Variants in PDZRN3 observed in about 807,000 individuals in gnomAD.
The protein encoded by PDZRN3 is E3 ubiquitin-protein ligase PDZRN3.
A neutral mutation model predicts 85.7 loss-of-function variants in PDZRN3; 38 were observed. The observed-to-expected ratio is 0.44, with a 90% CI of 0.34 to 0.58. PDZRN3 has a LOEUF of 0.58. Ranked by LOEUF, PDZRN3 falls within the 20% of genes least tolerant of loss-of-function variation. The pLI is 0.01. For missense variants in PDZRN3, 1,629 were observed against 1,506.4 expected, an observed-to-expected ratio of 1.08 and a Z score of -1.35; for synonymous variants, 759 against 638.0, an observed-to-expected ratio of 1.19 and a Z score of -2.86.
chr3:73,431,716 G>T (rs890922924), intron 3 of PDZRN3, among the ~76,000 whole-genome samples: 1 of 152,182 alleles, frequency 6.6e-6, no homozygotes, highest in African/African-American at 2.4e-5. Flanking sequence ...CTAAATTGCT[G>T]ACCAAGTATA....
intron 3 of PDZRN3, chr3:73,561,420 T>G (rs1701812044): frequency 6.6e-6 from 1 of 152,178 alleles, no homozygotes; most frequent in African/African-American, 2.4e-5. Flanking sequence ...TTCCACAGCA[T>G]GTCAAGAAGG....
At chr3:73,414,621 T>G (rs2106756606) in intron 3 of PDZRN3, among the ~76,000 whole-genome samples, 1 of 152,302 alleles carries the variant, frequency 6.6e-6, no homozygotes, top group Middle Eastern at 3.4e-3. Context: ...TAAACCATGG[T>G]TTTAGTGGTT....
chr3:73,473,167 C>T (rs1703380568), intron 3 of PDZRN3, among the ~76,000 whole-genome samples: 2 of 152,326 alleles, frequency 1.3e-5, no homozygotes, highest in Admixed American at 6.5e-5. Context: ...ATTCTACAAC[C>T]TTCCACTATG....
rs772333249 is a variant in PDZRN3 at position 73,384,673 on chromosome 3, C to T, written c.1893G>A (p.Thr631=). Residue 631 remains threonine (T), a synonymous_variant, in exon 10 of 10, where the codon ACG becomes ACA. Coordinates refer to ENST00000263666, the MANE Select transcript of PDZRN3 (RefSeq NM_015009.3). Reference sequence around the variant, plus strand: ...CCGGGATCCCCAGGTAGTCGGCGTCCGTGCAGTCGGCCGAAATGAAAGACT... The same window carrying T: ...CCGGGATCCCCAGGTAGTCGGCGTCTGTGCAGTCGGCCGAAATGAAAGACT... ...SNESFISADC[T]DADYLGIPVD... The T allele has an allele frequency of 1.7e-5, 28 of 1,613,840 alleles. No individual in the cohort carries two copies. Among genetic ancestry groups the T allele is most frequent in the East Asian group, 6.7e-5 (3 of 44,880 alleles).
chr3:73,384,335 G>T lies in PDZRN3; in HGVS notation c.2231C>A (p.Thr744Asn). 3 of 1,611,468 alleles carry T rather than the reference G, an allele frequency of 1.9e-6. No homozygotes were observed. Among genetic ancestry groups the T allele is most frequent in the Non-Finnish European group, 2.5e-6 (3 of 1,179,964 alleles). Residue 744 changes from threonine (T) to asparagine (N), a missense_variant, in exon 10 of 10, where the codon ACC (threonine) becomes AAC (asparagine). By Grantham distance (65) the Thr-to-Asn change is moderately conservative. Transcript: ENST00000263666. Reference protein sequence around the residue: ...DVRRHELSDITELPEKSDKDS... With the variant: ...DVRRHELSDINELPEKSDKDS... The stretch of plus-strand genomic sequence containing the variant: ...CTTGTCGGATTTCTCCGGGAGCTCG[G>T]TGATATCTGAGAGCTCGTGTCTGCG...
At chr3:73,580,507 C>T (rs1702184793) in intron 3 of PDZRN3, among the ~76,000 whole-genome samples, 1 of 152,232 alleles carries the variant, frequency 6.6e-6, no homozygotes, top group South Asian at 2.1e-4. Flanking sequence ...TTTCCCATTA[C>T]TCTTTGCATT....
chr3:73,422,923 T>C (rs1702232979), intron 3 of PDZRN3, among the ~76,000 whole-genome samples: 1 of 151,900 alleles, frequency 6.6e-6, no homozygotes, highest in Non-Finnish European at 1.5e-5. Flanking sequence ...AAGGAGAAAA[T>C]ACCAAGCAAA....
chr3:73,500,668 C>T (rs1324943133), intron 3 of PDZRN3, among the ~76,000 whole-genome samples: 1 of 152,190 alleles, frequency 6.6e-6, no homozygotes, highest in Non-Finnish European at 1.5e-5. Flanking sequence ...TGGCATCTTA[C>T]TAACCTAGCC....
rs1288083716 is a variant in PDZRN3 at position 73,384,378 on chromosome 3, T to C, written c.2188A>G (p.Asn730Asp). 2 of 1,609,368 alleles carry C rather than the reference T, an allele frequency of 1.2e-6. No individual in the cohort carries two copies. The highest frequency in any genetic ancestry group is 1.7e-6 in the Non-Finnish European group (2 of 1,179,962). ...TGTCTGCGCACGTCGATGCTGGTGT[T>C]GTAGTTGCGGAAGCCGCTGTTGTGC... is the stretch of plus-strand genomic sequence containing the variant. Reference protein sequence around the residue: ...MLHNSGFRNYNTSIDVRRHEL... With the variant: ...MLHNSGFRNYDTSIDVRRHEL... The change falls in exon 10 of 10, where the codon AAC becomes GAC. Residue 730 changes from asparagine to aspartate, a missense_variant. By Grantham distance (23) the Asn-to-Asp change is conservative. Coordinates refer to ENST00000263666, the MANE Select transcript of PDZRN3 (RefSeq NM_015009.3).
intron 3 of PDZRN3, among the ~76,000 whole-genome samples, chr3:73,423,150 C>T (rs1702236765): frequency 5.3e-5 from 8 of 152,154 alleles, no homozygotes; most frequent in Admixed American, 3.9e-4. Context: ...CTTTTCATCT[C>T]CCGCTGCTAA....
intron 3 of PDZRN3, among the ~76,000 whole-genome samples, chr3:73,563,174 A>AC (rs1701870978): frequency 6.7e-6 from 1 of 149,734 alleles, no homozygotes; most frequent in African/African-American, 2.5e-5. Context: ...GCCCGCCACC[A>AC]CGCCCGGCTA....
At chr3:73,487,021 T>G (rs1703676146) in intron 3 of PDZRN3, among the ~76,000 whole-genome samples, 2 of 152,200 alleles carry the variant, frequency 1.3e-5, no homozygotes, top group Admixed American at 1.3e-4. Context: ...CCCCAATAAA[T>G]TAGTTAAGAC....
intron 3 of PDZRN3, among the ~76,000 whole-genome samples, chr3:73,574,527 C>A (rs901198725): frequency 6.6e-6 from 1 of 152,028 alleles, no homozygotes; most frequent in African/African-American, 2.4e-5. Context: ...GGTGCAACCT[C>A]AGCTCACTGC....
chr3:73,446,476 T>C (rs4676925), intron 3 of PDZRN3, among the ~76,000 whole-genome samples: 136,226 of 152,280 alleles, frequency 0.89, 61,042 homozygotes, highest in East Asian at 1. Context: ...CATATTTGTC[T>C]TATAAGGACA....
intron 3 of PDZRN3, among the ~76,000 whole-genome samples, chr3:73,523,706 C>T (rs913877366): frequency 6.6e-6 from 1 of 152,110 alleles, no homozygotes; most frequent in Non-Finnish European, 1.5e-5. Flanking sequence ...GGCACAACTA[C>T]AGGGATGGAA....
At chr3:73,447,463 T>C (rs770591168) in intron 3 of PDZRN3, among the ~76,000 whole-genome samples, 54 of 152,204 alleles carry the variant, frequency 3.5e-4, no homozygotes, top group Non-Finnish European at 6.0e-4. Context: ...CGTTCCTCCA[T>C]AGAGCAGTCT....
chr3:73,473,911 T>C (rs990666579), intron 3 of PDZRN3, among the ~76,000 whole-genome samples: 3 of 152,198 alleles, frequency 2.0e-5, no homozygotes, highest in African/African-American at 7.2e-5. Context: ...GTGTCTGACA[T>C]TCAGCAACTG....
intron 3 of PDZRN3, among the ~76,000 whole-genome samples, chr3:73,457,710 G>A (rs1351429808): frequency 6.6e-6 from 1 of 152,148 alleles, no homozygotes; most frequent in Non-Finnish European, 1.5e-5. Flanking sequence ...ACGGTGTTAG[G>A]AGGTGGGGCT....
chr3:73,624,119 G>T lies in PDZRN3; in HGVS notation c.707C>A (p.Ala236Glu). Residue 236 changes from alanine to glutamate, a missense_variant, in exon 1 of 10, where the codon GCG becomes GAG. By Grantham distance (107) the Ala-to-Glu change is moderately radical (BLOSUM62 -1). Transcript: ENST00000263666. Reference sequence around the variant, plus strand: ...GGCGCCTACCTTGCCGCCGGGCGGCGCGGCCACGCAGCGGCTGAGCGAGTC... The same window carrying T: ...GGCGCCTACCTTGCCGCCGGGCGGCTCGGCCACGCAGCGGCTGAGCGAGTC... ...RLDSLSRCVA[A>E]PPGGKGEETK... The T allele has an allele frequency of 6.8e-7, 1 of 1,465,874 alleles. No homozygotes were observed. The highest frequency in any genetic ancestry group is 1.3e-5 in the South Asian group (1 of 76,072). The allele number at this position is 1,465,874 out of a possible 1,614,324, so 90.8% of individuals were successfully genotyped here.
Sources: allele counts gnomAD v4.1 joint callset (sites outside exome capture counted in the v4.1 genomes callset), GRCh38; gene constraint gnomAD v4.1.1; transcripts MANE v1.5; gene names NCBI Gene and HGNC (gene_info 2026-07-23, HGNC 2026-07-21).